The following NCAM2 variants were observed in gnomAD, a reference collection of about 807,000 sequenced individuals.
NCAM2 encodes the protein N-CAM-2.
Under a neutral mutation model 98.1 loss-of-function variants are expected in NCAM2, and 30 were observed. That is an observed-to-expected ratio of 0.31 (90% CI 0.23 to 0.41). The LOEUF is 0.41. Ranked by LOEUF, NCAM2 falls within the 10% of genes least tolerant of loss-of-function variation. The pLI, the probability that NCAM2 is intolerant of heterozygous loss-of-function variation, is 1.00. For missense variants in NCAM2, 867 were observed against 1,005.8 expected (o/e 0.86, Z 1.87); for synonymous variants, 368 against 342.4 (o/e 1.07, Z -0.83).
intron 1 of NCAM2, among the ~76,000 whole-genome samples, chr21:21,277,530 A>G (rs1013632142): frequency 6.6e-6 from 1 of 152,222 alleles, no homozygotes; most frequent in Non-Finnish European, 1.5e-5. Flanking sequence ...AGAACAGACA[A>G]AACAGTTTGG....
rs545436562 is a variant in NCAM2, at chr21:21,451,841, C to G, written c.1655-14765C>G. 2.0e-5 allele frequency among the ~76,000 whole-genome samples: 3 copies of G among 152,194 alleles called. No homozygotes were observed. The East Asian group carries it at 5.8e-4, about 29-fold the overall frequency. ...TCTTCATCTCCACAGTTTATTGTGA[C>G]ACAGAAACACATAGCAAAAAATGTA... On this transcript the variant is annotated intron_variant, in intron 12 of 17. Coordinates refer to ENST00000400546, the MANE Select transcript of NCAM2 (RefSeq NM_004540.5).
At chr21:21,338,271 C>A in intron 7 of NCAM2, 118 bp from the exon 8 acceptor site, 2 of 966,288 alleles carry the variant, frequency 2.1e-6, no homozygotes, top group Non-Finnish European at 3.0e-6. Flanking sequence ...CACTGTAATT[C>A]TACAAAGCTA....
In NCAM2 at chr21:21,466,010, C is replaced by A. The variant is rs944689780; in HGVS notation, c.1655-596C>A. ...CCTTAGTGTCTTATTGAATCCAGGTCTGGTAGAGTATGTAAATGAGAAGAA... is the reference window on the plus strand; with the variant it reads ...CCTTAGTGTCTTATTGAATCCAGGTATGGTAGAGTATGTAAATGAGAAGAA... On this transcript the variant is annotated intron_variant, in intron 12 of 17. Coordinates refer to ENST00000400546, the MANE Select transcript of NCAM2 (RefSeq NM_004540.5). 2.6e-5 allele frequency among the ~76,000 whole-genome samples: 4 copies of A among 152,024 alleles called. No individual in the cohort carries two copies. In the South Asian group the frequency reaches 8.3e-4, roughly 32 times the overall value.
At chr21:21,499,021 T>C (rs1314158227) in intron 15 of NCAM2, among the ~76,000 whole-genome samples, 1 of 152,112 alleles carries the variant, frequency 6.6e-6, no homozygotes, top group African/African-American at 2.4e-5. Context: ...ACATGAGTTT[T>C]AAAAAGATGA....
intron 1 of NCAM2, among the ~76,000 whole-genome samples, chr21:21,056,484 A>G (rs1739350727): frequency 2.0e-5 from 2 of 98,440 alleles, no homozygotes; most frequent in Admixed American, 1.3e-4. Context: ...AGTGACAGAG[A>G]TATGTCTGTG....
chr21:21,393,936 G>C (rs2076440025), intron 9 of NCAM2, among the ~76,000 whole-genome samples: 1 of 152,086 alleles, frequency 6.6e-6, no homozygotes, highest in East Asian at 1.9e-4. Flanking sequence ...TTAGAAATAT[G>C]AATAATTCAC....
chr21:21,475,836 C>T (rs1220899472), intron 14 of NCAM2, among the ~76,000 whole-genome samples: 1 of 152,034 alleles, frequency 6.6e-6, no homozygotes, highest in Non-Finnish European at 1.5e-5. Context: ...TTTTCTGTTC[C>T]TTTGTAATGG....
chr21:21,258,061 G>A (rs2147327188), intron 1 of NCAM2, among the ~76,000 whole-genome samples: 1 of 152,272 alleles, frequency 6.6e-6, no homozygotes, highest in South Asian at 2.1e-4. Context: ...GGGACTGATT[G>A]ATGAAGTTTA....
intron 1 of NCAM2, among the ~76,000 whole-genome samples, chr21:21,006,032 T>C (rs766184963): frequency 2.0e-4 from 31 of 152,210 alleles, no homozygotes; most frequent in Non-Finnish European, 4.0e-4. Context: ...TAAGAGTGCC[T>C]GATTTGCCCA....
intron 16 of NCAM2, among the ~76,000 whole-genome samples, chr21:21,518,837 A>G (rs1244632878): frequency 6.6e-6 from 1 of 152,158 alleles, no homozygotes. Flanking sequence ...GTTATTGTGG[A>G]AGATGGCAGT....
chr21:21,231,521 G>C (rs1483561018), intron 1 of NCAM2, among the ~76,000 whole-genome samples: 1 of 151,250 alleles, frequency 6.6e-6, no homozygotes, highest in Non-Finnish European at 1.5e-5. Flanking sequence ...ATGGACAATT[G>C]CTAATGACTC....
At position 21,335,595 on chromosome 21, in the gene NCAM2, T is replaced by C. The variant is rs183863673; in HGVS notation, c.828T>C (p.Gly276=). Residue 276 remains glycine (G), a synonymous_variant, in exon 7 of 18, where the codon GGT becomes GGC. Transcript: ENST00000400546. ...TCAGGAACATAATCAATAGTGATGG[T>C]GGTCCTTATGTCTGCAGGGCCACAA... ...LTVRNIINSD[G]GPYVCRATNK... is the part of the protein sequence containing the mutation. 2.5e-6 allele frequency: 4 copies of C among 1,612,044 alleles called. No individual in the cohort carries two copies. In the East Asian group the frequency reaches 9.0e-5, roughly 36 times the overall value.
chr21:21,392,967 A>G (rs2076413271), intron 9 of NCAM2, among the ~76,000 whole-genome samples: 1 of 151,534 alleles, frequency 6.6e-6, no homozygotes, highest in Non-Finnish European at 1.5e-5. Context: ...TACCCCGTCA[A>G]TTTTTCCTTT....
chr21:21,420,558 A>G lies in NCAM2; in HGVS notation c.1480+1989A>G, dbSNP rs149002346. ...ACCTTTTCAGGTAGAGATTTTATTT[A>G]TAACTTTAATTTTATATTAAGTTCA... On this transcript the variant is annotated intron_variant, in intron 11 of 17. Transcript: ENST00000400546. 8.2e-3 allele frequency among the ~76,000 whole-genome samples: 1,246 copies of G among 152,156 alleles called. 23 individuals carry two copies. Among genetic ancestry groups the G allele is most frequent in the African/African-American group, 0.028 (1,170 of 41,564 alleles).
chr21:21,323,076 T>G (rs1049239413), intron 5 of NCAM2, among the ~76,000 whole-genome samples: 4 of 152,166 alleles, frequency 2.6e-5, no homozygotes, highest in African/African-American at 7.2e-5. Context: ...ACCTTTACTG[T>G]AATAAAAAGA....
intron 1 of NCAM2, among the ~76,000 whole-genome samples, chr21:21,214,498 A>T (rs1160593810): frequency 6.6e-6 from 1 of 151,850 alleles, no homozygotes; most frequent in Non-Finnish European, 1.5e-5. Context: ...AATCCAAGTA[A>T]TTGTCTTTAA....
intron 5 of NCAM2, among the ~76,000 whole-genome samples, chr21:21,322,741 A>C (rs1165324648): frequency 2.6e-5 from 4 of 152,176 alleles, no homozygotes; most frequent in Admixed American, 2.6e-4. Context: ...ATCTTCTGAG[A>C]AATATCTGAG....
Position 21,541,703 on chromosome 21 carries a change from A to C in NCAM2, c.*3746A>C, listed in dbSNP as rs766248721. ...ATGTACAGTTCAAGAAGTAGAAATA[A>C]TATTTTCCATTAGTTAATTTAGGAA... On this transcript the variant is annotated 3_prime_UTR_variant, in exon 18 of 18. Coordinates refer to ENST00000400546, the MANE Select transcript of NCAM2 (RefSeq NM_004540.5). 4 of 151,798 alleles carry C rather than the reference A, an allele frequency of 2.6e-5. No individual in the cohort carries two copies. The highest frequency in any genetic ancestry group is 4.4e-5 in the Non-Finnish European group (3 of 67,768). 9.4% of individuals were successfully genotyped at this position (151,798 alleles called of 1,614,324 possible).
At chr21:21,179,584 C>G (rs116496734) in intron 1 of NCAM2, among the ~76,000 whole-genome samples, 1,690 of 152,258 alleles carry the variant, frequency 0.011, 37 homozygotes, top group African/African-American at 0.039. Flanking sequence ...TGACATTTGT[C>G]AAGAAGTCAT....
Sources: allele counts gnomAD v4.1 joint callset (sites outside exome capture counted in the v4.1 genomes callset), GRCh38; gene constraint gnomAD v4.1.1; transcripts MANE v1.5; gene names NCBI Gene and HGNC (gene_info 2026-07-23, HGNC 2026-07-21).